THSD4: variants seen among roughly 807,000 people sequenced by gnomAD.
THSD4 encodes thrombospondin type-1 domain-containing protein 4.
Under a neutral mutation model 119.0 loss-of-function variants are expected in THSD4, and 69 were observed. That is an observed-to-expected ratio of 0.58 (90% confidence interval 0.48 to 0.71). THSD4 has a LOEUF of 0.71. Among genes scored for constraint, THSD4 ranks in the 30% least tolerant of loss-of-function variants. THSD4 has a pLI of 0.00. For synonymous variants in THSD4, 524 were observed against 540.4 expected, an observed-to-expected ratio of 0.97 and a Z score of 0.42; for missense variants, 1,393 against 1,391.1, an observed-to-expected ratio of 1.00 and a Z score of -0.02.
intron 3 of THSD4, among the ~76,000 whole-genome samples, chr15:71,206,045 G>A (rs546708075): frequency 6.6e-6 from 1 of 152,130 alleles, no homozygotes; most frequent in South Asian, 2.1e-4. Context: ...CATAGAAAAC[G>A]AGTCACATGC....
intron 6 of THSD4, among the ~76,000 whole-genome samples, chr15:71,258,050 C>T (rs2044340903): frequency 6.6e-6 from 1 of 152,066 alleles, no homozygotes; most frequent in South Asian, 2.1e-4. Context: ...AGGTGGTATC[C>T]TGATTTGGAT....
chr15:71,354,114 G>T (rs1414254827), intron 6 of THSD4, among the ~76,000 whole-genome samples: 1 of 152,166 alleles, frequency 6.6e-6, no homozygotes, highest in African/African-American at 2.4e-5. Flanking sequence ...CTAGGCAACA[G>T]TCAGACCTCA....
chr15:71,353,071 T>C (rs755756607), intron 6 of THSD4, among the ~76,000 whole-genome samples: 21 of 152,214 alleles, frequency 1.4e-4, no homozygotes, highest in Admixed American at 1.4e-3. Context: ...CACTATCTCA[T>C]GTACCAGACA....
chr15:71,410,874 A>AAC (rs1449511804), intron 6 of THSD4, among the ~76,000 whole-genome samples: 6 of 148,868 alleles, frequency 4.0e-5, no homozygotes, highest in African/African-American at 1.6e-4. Flanking sequence ...ACTACTAAAA[A>AAC]ATACACACAC....
In THSD4 at chr15:71,353,164, C is replaced by T. The variant is rs193244515; in HGVS notation, c.1016-58523C>T. 2.3e-3 allele frequency among the ~76,000 whole-genome samples: 344 copies of T among 152,274 alleles called. 1 individual carries two copies. The highest frequency in any genetic ancestry group is 7.2e-3 in the African/African-American group (299 of 41,550). ...CTCTTCTGACATCAACAGACATTGA[C>T]ACATGAAGCAGAAGGAGTGCGTCTA... On this transcript the variant is annotated intron_variant, in intron 6 of 17. Transcript: ENST00000261862.
chr15:71,213,150 G>A (rs2043901394), intron 3 of THSD4, among the ~76,000 whole-genome samples: 2 of 152,192 alleles, frequency 1.3e-5, no homozygotes, highest in South Asian at 4.1e-4. Flanking sequence ...GTTACTAAGG[G>A]GAGAATCCTT....
At chr15:71,524,433 G>T (rs1186374468) in intron 7 of THSD4, among the ~76,000 whole-genome samples, 7 of 152,140 alleles carry the variant, frequency 4.6e-5, no homozygotes, top group Non-Finnish European at 1.0e-4. Context: ...TGCCAACTCT[G>T]CTGCATTGGA....
intron 6 of THSD4, among the ~76,000 whole-genome samples, chr15:71,316,015 A>G (rs147982543): frequency 2.2e-3 from 334 of 152,324 alleles, no homozygotes; most frequent in Admixed American, 2.6e-3. Flanking sequence ...TAGAAATTAC[A>G]GAGGAAATCT....
chr15:71,689,982 T>C (rs1248044828), intron 8 of THSD4, among the ~76,000 whole-genome samples: 3 of 152,350 alleles, frequency 2.0e-5, no homozygotes, highest in East Asian at 3.9e-4. Flanking sequence ...AACCAAAATA[T>C]GCCGCTTCAA....
chr15:71,120,931 C>T (rs545055549), intron 1 of THSD4, among the ~76,000 whole-genome samples: 16 of 152,224 alleles, frequency 1.1e-4, no homozygotes, highest in Admixed American at 5.9e-4. Context: ...GGGAGGATGA[C>T]GAGCTTTGAC....
chr15:71,652,206 C>T (rs1355053684), intron 7 of THSD4, among the ~76,000 whole-genome samples: 1 of 152,160 alleles, frequency 6.6e-6, no homozygotes, highest in Non-Finnish European at 1.5e-5. Context: ...CTAGTCTTGA[C>T]CCCTTATCAG....
At chr15:71,689,783 C>T (rs1273328848) in intron 8 of THSD4, among the ~76,000 whole-genome samples, 1 of 152,210 alleles carries the variant, frequency 6.6e-6, no homozygotes, top group Non-Finnish European at 1.5e-5. Context: ...CTCTTCTGGA[C>T]AATGGAAGAG....
At chr15:71,754,464 CTGAA>C (rs2053503180) in intron 14 of THSD4, among the ~76,000 whole-genome samples, 4 of 29,862 alleles carry the variant, frequency 1.3e-4, no homozygotes, top group Non-Finnish European at 2.3e-4. Context: ...TCATACATGG[CTGAA>C]ACAAACAAAC....
At chr15:71,138,877 A>AGTGT (rs111389138) in intron 1 of THSD4, among the ~76,000 whole-genome samples, 9,024 of 149,752 alleles carry the variant, frequency 0.06, 887 homozygotes, top group African/African-American at 0.21. Flanking sequence ...TGTGTGTGTG[A>AGTGT]GTGTGTGTGT....
At chr15:71,202,361 A>G (rs2043811012) in intron 3 of THSD4, among the ~76,000 whole-genome samples, 1 of 151,986 alleles carries the variant, frequency 6.6e-6, no homozygotes, top group Non-Finnish European at 1.5e-5. Context: ...CTGCTAATTC[A>G]TTTCAACTCT....
chr15:71,257,479 C>T (rs1267750742), intron 6 of THSD4, among the ~76,000 whole-genome samples: 1 of 152,148 alleles, frequency 6.6e-6, no homozygotes, highest in African/African-American at 2.4e-5. Context: ...AGTGGAAGAG[C>T]TCTGCCCAGC....
intron 6 of THSD4, among the ~76,000 whole-genome samples, chr15:71,320,408 A>G (rs930981932): frequency 2.0e-5 from 3 of 152,142 alleles, no homozygotes; most frequent in African/African-American, 4.8e-5. Context: ...GAGCAGGTCC[A>G]TTTTCCTTTT....
At chr15:71,751,619 TCTC>T (rs1308370671) in intron 14 of THSD4, among the ~76,000 whole-genome samples, 1 of 152,080 alleles carries the variant, frequency 6.6e-6, no homozygotes, top group Non-Finnish European at 1.5e-5. Flanking sequence ...ACTGAAACAA[TCTC>T]CTATTTCTAA....
At chr15:71,482,896 AC>A (rs1319257651) in intron 7 of THSD4, among the ~76,000 whole-genome samples, 1 of 152,136 alleles carries the variant, frequency 6.6e-6, no homozygotes, top group African/African-American at 2.4e-5. Flanking sequence ...CTGTACTGTA[AC>A]TTTTAATAGG....
Sources: allele counts gnomAD v4.1 joint callset (sites outside exome capture counted in the v4.1 genomes callset), GRCh38; gene constraint gnomAD v4.1.1; transcripts MANE v1.5; gene names NCBI Gene and HGNC (gene_info 2026-07-23, HGNC 2026-07-21).